Variants in CTNNA3 observed in about 807,000 individuals in gnomAD.
CTNNA3 encodes catenin alpha 3, also known as catenin alpha-3.
In CTNNA3, 76 loss-of-function variants were observed where a neutral mutation model predicts 95.7. That is an observed-to-expected ratio of 0.79 (90% confidence interval 0.66 to 0.96). The LOEUF (loss-of-function observed/expected upper bound fraction) is 0.96. Ranked by LOEUF, CTNNA3 falls within the 40% of genes least tolerant of loss-of-function variation. The pLI, the probability that CTNNA3 is intolerant of heterozygous loss-of-function variation, is 0.00. For missense variants in CTNNA3, 1,191 were observed against 1,089.8 expected (o/e 1.09, Z -1.31); for synonymous variants, 431 against 374.4 (o/e 1.15, Z -1.74).
intron 14 of CTNNA3, among the ~76,000 whole-genome samples, chr10:66,089,759 A>AATATATAT (rs35629436): frequency 6.7e-6 from 1 of 148,856 alleles, no homozygotes; most frequent in Admixed American, 6.8e-5. Flanking sequence ...ATCTCAGAGA[A>AATATATAT]ATATATATAT....
chr10:66,743,283 C>A (rs1025189028), intron 9 of CTNNA3, among the ~76,000 whole-genome samples: 1 of 152,036 alleles, frequency 6.6e-6, no homozygotes, highest in East Asian at 1.9e-4. Context: ...CAGAATAGTA[C>A]CTAATCTCTA....
chr10:66,618,301 C>T (rs1844602516), intron 10 of CTNNA3, among the ~76,000 whole-genome samples: 1 of 151,984 alleles, frequency 6.6e-6, no homozygotes. Flanking sequence ...CGCTACCTGA[C>T]TTCAAACTAT....
chr10:67,657,972 A>G (rs2133514423), intron 1 of CTNNA3, among the ~76,000 whole-genome samples: 1 of 152,228 alleles, frequency 6.6e-6, no homozygotes, highest in Admixed American at 6.5e-5. Context: ...AGGGAGGGCT[A>G]GATTTCATCT....
intron 17 of CTNNA3, among the ~76,000 whole-genome samples, chr10:65,962,597 T>C (rs943512003): frequency 6.6e-6 from 1 of 152,046 alleles, no homozygotes; most frequent in East Asian, 1.9e-4. Context: ...GGGTTACATG[T>C]GCAGAACATG....
intron 7 of CTNNA3, among the ~76,000 whole-genome samples, chr10:67,056,363 T>C (rs1855430179): frequency 6.6e-6 from 1 of 152,198 alleles, no homozygotes; most frequent in African/African-American, 2.4e-5. Context: ...TCATTGTTAG[T>C]CTTCCCAATG....
chr10:66,340,309 T>C (rs2092440451), intron 12 of CTNNA3, among the ~76,000 whole-genome samples: 1 of 151,832 alleles, frequency 6.6e-6, no homozygotes, highest in African/African-American at 2.4e-5. Flanking sequence ...ATACCAATTC[T>C]ATGTCAAGTT....
chr10:65,928,962 G>A (rs2077207924), intron 17 of CTNNA3, among the ~76,000 whole-genome samples: 1 of 151,962 alleles, frequency 6.6e-6, no homozygotes, highest in African/African-American at 2.4e-5. Context: ...TGCTATGTTG[G>A]TGTGCTGAAC....
At chr10:66,766,042 CTTT>C in intron 9 of CTNNA3, 1 of 418,530 alleles carries the variant, frequency 2.4e-6, no homozygotes, top group South Asian at 7.3e-5. Flanking sequence ...TAGCCAGTTC[CTTT>C]GTGAAGCTCT....
intron 5 of CTNNA3, among the ~76,000 whole-genome samples, chr10:67,344,949 T>A (rs1031904818): frequency 3.3e-5 from 5 of 151,312 alleles, no homozygotes; most frequent in African/African-American, 1.2e-4. Context: ...TTATTTGAAG[T>A]TTTTTTTTCT....
chr10:67,242,662 C>CT (rs1489770512), intron 5 of CTNNA3, among the ~76,000 whole-genome samples: 19 of 152,198 alleles, frequency 1.2e-4, no homozygotes, highest in African/African-American at 4.6e-4. Flanking sequence ...AGTCACCATG[C>CT]TGTGCATTCA....
chr10:67,205,379 G>A (rs1351137436), intron 6 of CTNNA3, among the ~76,000 whole-genome samples: 4 of 152,030 alleles, frequency 2.6e-5, no homozygotes, highest in African/African-American at 4.8e-5. Context: ...GGCAGATAAG[G>A]GGCCTCTTAC....
At chr10:66,907,686 A>G (rs1267776219) in intron 7 of CTNNA3, among the ~76,000 whole-genome samples, 1 of 152,180 alleles carries the variant, frequency 6.6e-6, no homozygotes. Context: ...CATCAATTAT[A>G]GTTCAGAGAA....
chr10:66,166,557 TAAAAACA>T (rs2085144247), intron 13 of CTNNA3, among the ~76,000 whole-genome samples: 1 of 150,594 alleles, frequency 6.6e-6, no homozygotes, highest in Non-Finnish European at 1.5e-5. Flanking sequence ...TATCTATGGT[TAAAAACA>T]AAAAGCAAAA....
intron 5 of CTNNA3, among the ~76,000 whole-genome samples, chr10:67,292,081 T>A (rs1211548957): frequency 6.6e-6 from 1 of 152,238 alleles, no homozygotes; most frequent in Non-Finnish European, 1.5e-5. Context: ...TCTCTGAGCA[T>A]GCCTTTCTTC....
chr10:67,188,327 T>C (rs1270554251), intron 6 of CTNNA3, among the ~76,000 whole-genome samples: 1 of 152,034 alleles, frequency 6.6e-6, no homozygotes, highest in African/African-American at 2.4e-5. Flanking sequence ...GAAACCCGTT[T>C]CTACAAAAAA....
At position 67,150,778 on chromosome 10, in the gene CTNNA3, T is replaced by C. The variant is rs1589798045; in HGVS notation, c.1047+29539A>G. On this transcript the variant is annotated intron_variant, in intron 7 of 17. Transcript: ENST00000433211. ...AGATTCCATTATCTGTATGCACTCATCATGGGGAGATGTAAGGAGGCCAAC... is the reference window on the plus strand; with the variant it reads ...AGATTCCATTATCTGTATGCACTCACCATGGGGAGATGTAAGGAGGCCAAC... Among the ~76,000 whole-genome samples, 7 of 152,150 alleles carry C rather than the reference T, an allele frequency of 4.6e-5. 1 individual carries two copies. The South Asian group carries it at 1.4e-3, about 31-fold the overall frequency.
chr10:66,412,832 GA>G (rs59044371), intron 11 of CTNNA3, among the ~76,000 whole-genome samples: 4 of 149,292 alleles, frequency 2.7e-5, no homozygotes, highest in Non-Finnish European at 4.5e-5. Context: ...GGTAAAACTT[GA>G]AAAAAAAATG....
intron 15 of CTNNA3, among the ~76,000 whole-genome samples, chr10:66,066,835 A>G (rs957673342): frequency 1.3e-5 from 2 of 152,204 alleles, no homozygotes; most frequent in African/African-American, 2.4e-5. Flanking sequence ...CTATGCATCC[A>G]TATACATAAT....
At chr10:67,232,815 G>C (rs56346349) in intron 5 of CTNNA3, among the ~76,000 whole-genome samples, 7 of 151,430 alleles carry the variant, frequency 4.6e-5, no homozygotes, top group African/African-American at 1.7e-4. Flanking sequence ...GATGGAGGAA[G>C]ATCTACCAAG....
Sources: gnomAD v4.1 joint callset for allele counts (sites outside exome capture counted in the v4.1 genomes callset) on GRCh38, gnomAD v4.1.1 for gene constraint, MANE v1.5 for transcripts, NCBI Gene and HGNC (gene_info 2026-07-23, HGNC 2026-07-21) for gene names.